Variants in DGKB observed in about 807,000 individuals in gnomAD.
DGKB encodes 90 kDa diacylglycerol kinase.
DGKB carries 67 observed loss-of-function variants against 114.3 expected under a neutral mutation model. That is an observed-to-expected ratio of 0.59 (90% confidence interval 0.48 to 0.72). The LOEUF is 0.72. DGKB is among the 30% of genes least tolerant of loss of function. The pLI is 0.00. For missense variants in DGKB, 907 were observed against 975.2 expected (o/e 0.93, Z 0.93); for synonymous variants, 398 against 323.1 (o/e 1.23, Z -2.49).
chr7:14,176,420 A>G lies in DGKB; in HGVS notation c.2304+419T>C, dbSNP rs557143061. On this transcript the variant is annotated intron_variant, in intron 25 of 25. Transcript: ENST00000402815. ...GGAGAAGAAAGCCCTCAAATCCCCA[A>G]ATGGAGGCATAGAAAAGCTGAGAAA... is the stretch of plus-strand genomic sequence containing the variant. 3.2e-5 allele frequency: 32 copies of G among 986,302 alleles called. No homozygotes were observed. The Admixed American group carries it at 5.5e-4, about 17-fold the overall frequency. The allele number at this position is 986,302 out of a possible 1,614,324, so 61.1% of individuals were successfully genotyped here. A position where few individuals can be genotyped will look rare whatever the true frequency, so the allele number is the denominator to read the frequency against.
chr7:14,972,208 ATG>A (rs1787509842), intron 1 of DGKB, among the ~76,000 whole-genome samples: 1 of 152,166 alleles, frequency 6.6e-6, no homozygotes, highest in Non-Finnish European at 1.5e-5. Flanking sequence ...CTAAAGCTTA[ATG>A]TATCATCATA....
At chr7:14,819,174 G>A (rs187954864) in intron 2 of DGKB, among the ~76,000 whole-genome samples, 2 of 152,030 alleles carry the variant, frequency 1.3e-5, no homozygotes, top group Admixed American at 1.3e-4. Context: ...TACATACAGA[G>A]TACCTAGTGT....
intron 20 of DGKB, among the ~76,000 whole-genome samples, chr7:14,483,557 G>T (rs1783313987): frequency 6.6e-6 from 1 of 152,144 alleles, no homozygotes; most frequent in South Asian, 2.1e-4. Context: ...GGGGCCAGAG[G>T]ACAGTTAGCA....
chr7:14,396,433 A>T (rs1487752933), intron 21 of DGKB, among the ~76,000 whole-genome samples: 1 of 152,110 alleles, frequency 6.6e-6, no homozygotes, highest in East Asian at 1.9e-4. Context: ...GCTTACCATC[A>T]GGGACTCCAT....
chr7:14,425,539 C>T (rs1827380797), intron 21 of DGKB, among the ~76,000 whole-genome samples: 1 of 152,138 alleles, frequency 6.6e-6, no homozygotes, highest in South Asian at 2.1e-4. Flanking sequence ...CCTCAAGCTA[C>T]TACTGGAACA....
intron 1 of DGKB, among the ~76,000 whole-genome samples, chr7:14,853,298 A>G (rs1849652251): frequency 6.6e-6 from 1 of 152,114 alleles, no homozygotes; most frequent in African/African-American, 2.4e-5. Context: ...TTTTGACTGT[A>G]TATGCTTTTA....
At chr7:14,427,052 A>G (rs1272299559) in intron 21 of DGKB, among the ~76,000 whole-genome samples, 1 of 151,372 alleles carries the variant, frequency 6.6e-6, no homozygotes, top group Non-Finnish European at 1.5e-5. Flanking sequence ...AGAGTGAAAC[A>G]CTCTCAAAAA....
At chr7:14,729,091 C>G (rs186566781) in intron 5 of DGKB, among the ~76,000 whole-genome samples, 2 of 150,656 alleles carry the variant, frequency 1.3e-5, no homozygotes, top group Admixed American at 6.6e-5. Flanking sequence ...CTGCCTCTCC[C>G]CACTAGAATG....
chr7:14,941,627 T>C (rs1166349215), intron 1 of DGKB, among the ~76,000 whole-genome samples: 1 of 152,058 alleles, frequency 6.6e-6, no homozygotes, highest in Non-Finnish European at 1.5e-5. Flanking sequence ...ATGAGGGTGA[T>C]TTAAATATTG....
intron 2 of DGKB, among the ~76,000 whole-genome samples, chr7:14,791,158 C>T (rs2128507169): frequency 6.6e-6 from 1 of 152,128 alleles, no homozygotes; most frequent in African/African-American, 2.4e-5. Context: ...CCACACAAGT[C>T]TTGTACATAT....
chr7:14,303,949 T>G (rs1803988246), intron 23 of DGKB, among the ~76,000 whole-genome samples: 1 of 152,002 alleles, frequency 6.6e-6, no homozygotes, highest in Non-Finnish European at 1.5e-5. Context: ...GATAATTTAG[T>G]GTTTTAATGA....
At chr7:14,679,012 T>C (rs574947693) in intron 12 of DGKB, among the ~76,000 whole-genome samples, 2 of 152,042 alleles carry the variant, frequency 1.3e-5, no homozygotes, top group East Asian at 1.9e-4. Flanking sequence ...GTAACAGTCT[T>C]TGGGAATAAA....
intron 2 of DGKB, among the ~76,000 whole-genome samples, chr7:14,827,348 C>T (rs1244419597): frequency 6.6e-6 from 1 of 152,006 alleles, no homozygotes; most frequent in Non-Finnish European, 1.5e-5. Context: ...CTGAAAGTTT[C>T]AGAAGCCTCT....
At chr7:14,831,894 G>A (rs1220406197) in intron 2 of DGKB, among the ~76,000 whole-genome samples, 1 of 151,778 alleles carries the variant, frequency 6.6e-6, no homozygotes, top group Admixed American at 6.6e-5. Flanking sequence ...ACCACTATAA[G>A]CAGAAGGACA....
chr7:14,147,389 G>C lies in DGKB; in HGVS notation c.*1742C>G, dbSNP rs1781591125. On this transcript the variant is annotated 3_prime_UTR_variant, in exon 26 of 26. Transcript: ENST00000402815. ...TTGATATTTACCGTCCAATGTTCCA[G>C]GAACACTAAAAGAATACACTTTGTA... 1 of 152,024 alleles carries C rather than the reference G, an allele frequency of 6.6e-6. No homozygotes were observed. The highest frequency in any genetic ancestry group is 6.6e-5 in the Admixed American group (1 of 15,246). The allele number at this position is 152,024 out of a possible 1,614,324, so 9.4% of individuals were successfully genotyped here. A position where few individuals can be genotyped will look rare whatever the true frequency, so the allele number is the denominator to read the frequency against.
At chr7:14,674,313 C>T (rs1042502772) in intron 12 of DGKB, among the ~76,000 whole-genome samples, 9 of 152,006 alleles carry the variant, frequency 5.9e-5, no homozygotes, top group East Asian at 5.8e-4. Context: ...TGTCAAGAGG[C>T]AAGAAGTGTT....
intron 20 of DGKB, among the ~76,000 whole-genome samples, chr7:14,497,813 A>G (rs1785523112): frequency 1.3e-5 from 2 of 151,930 alleles, no homozygotes; most frequent in Admixed American, 1.3e-4. Context: ...ACACAGCTCA[A>G]TTGCTTCCTT....
At chr7:14,295,328 T>C (rs1475101472) in intron 23 of DGKB, among the ~76,000 whole-genome samples, 1 of 152,184 alleles carries the variant, frequency 6.6e-6, no homozygotes, top group Non-Finnish European at 1.5e-5. Context: ...TAAATGTTTA[T>C]TCAATCAGAG....
chr7:14,961,874 C>G (rs952664645), intron 1 of DGKB, among the ~76,000 whole-genome samples: 1 of 152,060 alleles, frequency 6.6e-6, no homozygotes, highest in Admixed American at 6.6e-5. Flanking sequence ...CAGTCTCAGC[C>G]TCTGCTGCTC....
Sources: gnomAD v4.1 joint callset for allele counts (sites outside exome capture counted in the v4.1 genomes callset) on GRCh38, gnomAD v4.1.1 for gene constraint, MANE v1.5 for transcripts, NCBI Gene and HGNC (gene_info 2026-07-23, HGNC 2026-07-21) for gene names.